The following GAK variants were observed in gnomAD, a reference collection of about 807,000 sequenced individuals.
GAK encodes the protein cyclin G associated kinase.
A neutral mutation model predicts 143.9 loss-of-function variants in GAK; 79 were observed. The ratio of observed to expected loss-of-function variants is 0.55; its 90% CI spans 0.46 to 0.66. GAK has a LOEUF of 0.66. GAK is among the 30% of genes least tolerant of loss of function. The pLI is 0.00. For synonymous variants in GAK, 881 were observed against 765.5 expected (o/e 1.15, Z -2.49); for missense variants, 1,693 against 1,779.7 (o/e 0.95, Z 0.88).
chr4:879,048 G>C (rs6844801), intron 15 of GAK, among the ~76,000 whole-genome samples: 2,059 of 152,330 alleles, frequency 0.014, 50 homozygotes, highest in African/African-American at 0.045. Flanking sequence ...AGAGAAATCG[G>C]CTTTCTCAGA....
At chr4:887,165 C>T (rs113646280) in intron 11 of GAK, 8 of 150,562 alleles carry the variant, frequency 5.3e-5, no homozygotes, top group African/African-American at 1.2e-4. Flanking sequence ...ACGCGGCTCA[C>T]GCGCACACAC....
At chr4:902,605 A>AAAAAAAAAAAAAAAAC (rs1180561371) in intron 5 of GAK, among the ~76,000 whole-genome samples, 4 of 130,386 alleles carry the variant, frequency 3.1e-5, no homozygotes, top group Admixed American at 8.3e-5. Context: ...TCAAAAAAAA[A>AAAAAAAAAAAAAAAAC]AAAAAAAAAC....
rs1450141943 is a variant in GAK at position 849,910 on chromosome 4, C to T, written c.3816G>A (p.Leu1272=). The T allele has an allele frequency of 8.7e-6, 14 of 1,601,222 alleles. No individual in the cohort carries two copies. The Admixed American group carries it at 1.0e-4, about 12-fold the overall frequency. Residue 1272 remains leucine, a synonymous_variant, in exon 27 of 28, where the codon CTG becomes CTA. Coordinates refer to ENST00000314167, the MANE Select transcript of GAK (RefSeq NM_005255.4). ...TGCTCACCTTGTCGGGGTGCACAGC[C>T]AGCACCGCGCGGCGATAGTGCTTCT... is the stretch of plus-strand genomic sequence containing the variant. ...QVKKHYRRAV[L]AVHPDKAAGQ...
chr4:931,858 G>C (rs1725897173), intron 1 of GAK, among the ~76,000 whole-genome samples, 185 bp downstream of exon 1: 1 of 152,106 alleles, frequency 6.6e-6, no homozygotes, highest in South Asian at 2.1e-4. Flanking sequence ...CCCGCGCTAT[G>C]ACCTTCGCCT....
At position 882,029 on chromosome 4, in the gene GAK, G is replaced by T. The variant is rs753218724; in HGVS notation, c.1539C>A (p.Ala513=). ...VCVVHCMDGR[A]ASAVAVCSFL... is the part of the protein sequence containing the mutation. The stretch of plus-strand genomic sequence containing the variant: ...AGGAGCAGACGGCCACAGCAGACGC[G>T]GCTCTCCCGTCCTAGGACAGACAGA... The change falls in exon 15 of 28, where the codon GCC becomes GCA. Residue 513 remains alanine, a synonymous_variant. Transcript: ENST00000314167. 6.2e-7 allele frequency: 1 copy of T among 1,605,210 alleles called. No individual in the cohort carries two copies. The highest frequency in any genetic ancestry group is 8.5e-7 in the Non-Finnish European group (1 of 1,176,292).
At chr4:903,858 A>G (rs931403681) in intron 5 of GAK, among the ~76,000 whole-genome samples, 5 of 152,140 alleles carry the variant, frequency 3.3e-5, no homozygotes, top group Admixed American at 3.3e-4. Flanking sequence ...CGGAAGCTCC[A>G]GGCTGTGAGC....
At chr4:859,503 C>A in intron 24 of GAK, 103 bp downstream of exon 24, 2 of 1,600,264 alleles carry the variant, frequency 1.2e-6, no homozygotes, top group Non-Finnish European at 8.5e-7. Flanking sequence ...TCTTAGTGAA[C>A]AGAGGCAAAG....
At chr4:891,709 AC>A (rs888341605) in intron 9 of GAK, among the ~76,000 whole-genome samples, 6 of 150,428 alleles carry the variant, frequency 4.0e-5, no homozygotes, top group Non-Finnish European at 8.9e-5. Context: ...AGAGGCCCAC[AC>A]CCCCCTGCGA....
chr4:856,576 C>A (rs1345280783), intron 24 of GAK, among the ~76,000 whole-genome samples: 1 of 147,410 alleles, frequency 6.8e-6, no homozygotes, highest in African/African-American at 2.5e-5. Flanking sequence ...CTCACCACAG[C>A]TGCTCACCAC....
chr4:871,318 T>C (rs1396496550), intron 18 of GAK, among the ~76,000 whole-genome samples: 1 of 152,176 alleles, frequency 6.6e-6, no homozygotes, highest in Non-Finnish European at 1.5e-5. Flanking sequence ...AGCTCTGAGG[T>C]GGGACCCCAG....
intron 18 of GAK, among the ~76,000 whole-genome samples, chr4:871,890 C>T (rs565208534): frequency 2.6e-5 from 4 of 152,204 alleles, no homozygotes; most frequent in Admixed American, 6.5e-5. Flanking sequence ...GGCTCTCCAG[C>T]GGGCAGCAGG....
At chr4:889,820 C>A (rs551053488) in intron 10 of GAK, among the ~76,000 whole-genome samples, 29 of 152,334 alleles carry the variant, frequency 1.9e-4, no homozygotes, top group Admixed American at 1.8e-3. Flanking sequence ...ACTCCCGGCA[C>A]GGAGTTCCAA....
At chr4:917,930 G>C (rs1483930484) in intron 1 of GAK, among the ~76,000 whole-genome samples, 1 of 152,176 alleles carries the variant, frequency 6.6e-6, no homozygotes, top group African/African-American at 2.4e-5. Flanking sequence ...AAACACTTAA[G>C]GAAGAAATCA....
chr4:849,833 G>GA (rs1560264094), intron 27 of GAK, 59 bp from the exon 28 acceptor site: 33 of 1,191,388 alleles, frequency 2.8e-5, no homozygotes, highest in South Asian at 1.5e-4. Context: ...GGCGGGGCAG[G>GA]ACCCCCCCCC....
intron 5 of GAK, among the ~76,000 whole-genome samples, chr4:903,876 A>G (rs6826191): frequency 0.34 from 51,520 of 152,092 alleles, 8,882 homozygotes; most frequent in Admixed American, 0.36. Flanking sequence ...AGCACCCCCA[A>G]CTGGGCGTGA....
chr4:903,028 G>T (rs1720230321), intron 5 of GAK, among the ~76,000 whole-genome samples: 1 of 152,174 alleles, frequency 6.6e-6, no homozygotes, highest in African/African-American at 2.4e-5. Context: ...GGCATGGACA[G>T]CCCACGGGGC....
chr4:905,523 C>T (rs546087658), intron 4 of GAK, among the ~76,000 whole-genome samples: 135 of 151,498 alleles, frequency 8.9e-4, no homozygotes, highest in Non-Finnish European at 1.8e-3. Flanking sequence ...GACTCCGCCA[C>T]GCCCCATGCC....
intron 18 of GAK, among the ~76,000 whole-genome samples, chr4:875,812 C>T (rs988253124): frequency 2.0e-5 from 3 of 152,176 alleles, no homozygotes; most frequent in Admixed American, 1.3e-4. Flanking sequence ...CGTGGTGGTG[C>T]AGATCTGTAA....
intron 5 of GAK, 117 bp from the exon 6 acceptor site, chr4:898,275 G>T: frequency 8.3e-7 from 1 of 1,197,968 alleles, no homozygotes; most frequent in Non-Finnish European, 1.2e-6. Flanking sequence ...CTCGCCCAGG[G>T]CCACGGCTGC....
Sources: allele counts gnomAD v4.1 joint callset (sites outside exome capture counted in the v4.1 genomes callset), GRCh38; gene constraint gnomAD v4.1.1; transcripts MANE v1.5; gene names NCBI Gene and HGNC (gene_info 2026-07-23, HGNC 2026-07-21).